The following DONSON variants were observed in gnomAD, a reference collection of about 807,000 sequenced individuals.
DONSON encodes the protein DNA replication fork stabilization factor DONSON.
A neutral mutation model predicts 62.1 loss-of-function variants in DONSON; 43 were observed. That is an observed-to-expected ratio of 0.69 (90% CI 0.54 to 0.89). The LOEUF (loss-of-function observed/expected upper bound fraction) is 0.89, where lower values mean the gene tolerates loss of function less well. Ranked by LOEUF, DONSON falls within the 40% of genes least tolerant of loss-of-function variation. DONSON has a pLI of 0.00. For synonymous variants in DONSON, 266 were observed against 264.6 expected, an observed-to-expected ratio of 1.01 and a Z score of -0.05; for missense variants, 696 against 697.5, an observed-to-expected ratio of 1.00 and a Z score of 0.03.
In DONSON at chr21:33,586,199, T is replaced by C; in HGVS notation, c.403-18A>G. 1 of 1,609,792 alleles carries C rather than the reference T, an allele frequency of 6.2e-7. No individual in the cohort carries two copies. The highest frequency in any genetic ancestry group is 1.1e-5 in the South Asian group (1 of 90,764). On this transcript the variant is annotated intron_variant, in intron 2 of 9. Transcript: ENST00000303071. ...TGTGAAGTCTTTAGAAAACAAAGAA[T>C]GCAAAAATTAGTCGAGTATCAAGAA...
At position 33,588,386 on chromosome 21, in the gene DONSON, G is replaced by C; in HGVS notation, c.256C>G (p.Arg86Gly). The change falls in exon 1 of 10, where the codon CGA (arginine) becomes GGA (glycine). Residue 86 changes from arginine to glycine, a missense_variant. Physicochemically the swap from Arg to Gly is moderately radical, Grantham distance 125. Coordinates refer to ENST00000303071, the MANE Select transcript of DONSON (RefSeq NM_017613.4). ...RRNPFARLDN[R>G]PRVAAEPPDG... ...GGGGGCTCCGCGGCGACCCGCGGTC[G>C]GTTGTCCAGGCGGGCGAAGGGGTTC... 7.7e-7 allele frequency: 1 copy of C among 1,295,614 alleles called. No homozygotes were observed. Among genetic ancestry groups the C allele is most frequent in the South Asian group, 2.6e-5 (1 of 38,790 alleles). 80.3% of individuals were successfully genotyped at this position (1,295,614 alleles called of 1,614,324 possible).
chr21:33,584,784 G>GATC lies in DONSON; in HGVS notation c.607-17_607-16insGAT. 1 of 1,478,280 alleles carries GATC rather than the reference G, an allele frequency of 6.8e-7. No individual in the cohort carries two copies. The allele number at this position is 1,478,280 out of a possible 1,614,324, so 91.6% of individuals were successfully genotyped here. A position where few individuals can be genotyped will look rare whatever the true frequency, so the allele number is the denominator to read the frequency against. On this transcript the variant is annotated splice_polypyrimidine_tract_variant and intron_variant, in intron 3 of 9. Coordinates refer to ENST00000303071, the MANE Select transcript of DONSON (RefSeq NM_017613.4). Reference sequence around the variant, plus strand: ...GTTTGGGATCCTAAAATCCAAAGGTGACAGTGGGCAGTTTTTGCCCATTGA... The same window carrying GATC: ...GTTTGGGATCCTAAAATCCAAAGGTGATCACAGTGGGCAGTTTTTGCCCATTGA...
In DONSON at chr21:33,581,469, G is replaced by A; in HGVS notation, c.1183C>T (p.His395Tyr). 1 of 1,613,848 alleles carries A rather than the reference G, an allele frequency of 6.2e-7. No homozygotes were observed. Among genetic ancestry groups the A allele is most frequent in the Non-Finnish European group, 8.5e-7 (1 of 1,179,836 alleles). Residue 395 changes from histidine to tyrosine, a missense_variant, in exon 8 of 10, where the codon CAC (histidine) becomes TAC (tyrosine). By Grantham distance (83) the His-to-Tyr change is moderately conservative. Coordinates refer to ENST00000303071, the MANE Select transcript of DONSON (RefSeq NM_017613.4). The part of the protein sequence containing the change: ...RKEKHEVQMD[H>Y]RPESVVLVKG... ...ACCAACACAACAGATTCAGGTCTGT[G>A]ATCCATTTGTACTTCATGTTTCTCT...
intron 3 of DONSON, 145 bp downstream of exon 3, chr21:33,585,833 C>G (rs2086571193): frequency 1.3e-6 from 1 of 749,950 alleles, no homozygotes; most frequent in Non-Finnish European, 2.1e-6. Flanking sequence ...TAAGCACCAT[C>G]TGGGAAAGAC....
Position 33,579,340 on chromosome 21 carries a change from GTC to G in DONSON, c.1563+8_1563+9del. On this transcript the variant is annotated splice_region_variant and intron_variant, in intron 9 of 9. Transcript: ENST00000303071. ...CAACTAAAACAGTCTGCTCATAGGT[GTC>G]TACTTACCATATCAAGTACTTTGTC... 6.4e-7 allele frequency: 1 copy of G among 1,572,962 alleles called. No homozygotes were observed. Among genetic ancestry groups the G allele is most frequent in the Non-Finnish European group, 8.7e-7 (1 of 1,154,168 alleles).
At chr21:33,581,277 G>T in intron 8 of DONSON, 25 bp downstream of exon 8, 1 of 1,602,294 alleles carries the variant, frequency 6.2e-7, no homozygotes, top group Non-Finnish European at 8.5e-7. Context: ...CTTCTTAAAA[G>T]CTAGGTTATG....
rs998286147 is a variant in DONSON, at chr21:33,577,693, A to G, written c.*614T>C. Reference sequence around the variant, plus strand: ...CACACACACACACACACACACACACACACACACACCCCTATAAGCACATTA... The same window carrying G: ...CACACACACACACACACACACACACGCACACACACCCCTATAAGCACATTA... On this transcript the variant is annotated 3_prime_UTR_variant, in exon 10 of 10. Transcript: ENST00000303071. 1.6e-5 allele frequency: 2 copies of G among 128,086 alleles called. No homozygotes were observed. Among genetic ancestry groups the G allele is most frequent in the Admixed American group, 1.6e-4 (2 of 12,330 alleles). 7.9% of individuals were successfully genotyped at this position (128,086 alleles called of 1,614,324 possible).
intron 3 of DONSON, 41 bp from the exon 4 acceptor site, chr21:33,584,809 A>C: frequency 7.0e-7 from 1 of 1,419,762 alleles, no homozygotes; most frequent in Non-Finnish European, 9.4e-7. Context: ...TTGCCCATTG[A>C]GAAATAGAGA....
rs778867526 is a variant in DONSON, at chr21:33,583,455, T to C, written c.964+33A>G. 5 of 1,594,806 alleles carry C rather than the reference T, an allele frequency of 3.1e-6. No homozygotes were observed. The East Asian group carries it at 6.7e-5, about 21-fold the overall frequency. ...AGGCCAAAATAGGTTTACTATATAG[T>C]ATAGTATTCTCACTTTAAACCTAAA... On this transcript the variant is annotated intron_variant, in intron 5 of 9. Coordinates refer to ENST00000303071, the MANE Select transcript of DONSON (RefSeq NM_017613.4).
chr21:33,579,461 CAG>C lies in DONSON; in HGVS notation c.1450_1451del (p.Leu484AspfsTer26). 6.2e-7 allele frequency: 1 copy of C among 1,614,150 alleles called. No homozygotes were observed. The highest frequency in any genetic ancestry group is 8.5e-7 in the Non-Finnish European group (1 of 1,180,022). On this transcript the variant is annotated frameshift_variant, in exon 9 of 10. Transcript: ENST00000303071. LOFTEE classifies it high-confidence loss of function. ...GPIMPHSLHS[L>X]TMLLKSSQSG... ...TCTGTGAAGATTTGAGCAGCATGGT[CAG>C]TGAATGCAGAGAATGAGGCATGATA...
intron 1 of DONSON, 39 bp downstream of exon 1, chr21:33,588,282 G>A (rs1000164987): frequency 1.6e-6 from 2 of 1,234,580 alleles, no homozygotes; most frequent in Non-Finnish European, 2.0e-6. Context: ...ACCCACGAAA[G>A]ACAAGAGCCC....
chr21:33,580,914 A>G (rs564755455), intron 8 of DONSON, among the ~76,000 whole-genome samples: 23 of 151,872 alleles, frequency 1.5e-4, no homozygotes, highest in Non-Finnish European at 2.9e-4. Context: ...AGAAAAAAAA[A>G]AACAAAAAAA....
At chr21:33,585,638 C>T (rs1001632213) in intron 3 of DONSON, among the ~76,000 whole-genome samples, 1 of 151,974 alleles carries the variant, frequency 6.6e-6, no homozygotes, top group East Asian at 1.9e-4. Context: ...GTAAATCCAT[C>T]AGCCCTTGCA....
At chr21:33,587,273 C>A in intron 2 of DONSON, 2 of 784,138 alleles carry the variant, frequency 2.6e-6, no homozygotes, top group Non-Finnish European at 3.1e-6. Flanking sequence ...AAAGAAAACC[C>A]CCACGTCTAT....
intron 1 of DONSON, 116 bp downstream of exon 1, chr21:33,588,205 A>T: frequency 1.1e-6 from 1 of 889,144 alleles, no homozygotes; most frequent in Non-Finnish European, 1.5e-6. Flanking sequence ...CGGGCGGCCG[A>T]AGTCTTCGCG....
intron 8 of DONSON, among the ~76,000 whole-genome samples, chr21:33,580,239 GATGAATGAATGAATGA>G (rs3989180): frequency 2.7e-5 from 4 of 146,280 alleles, no homozygotes; most frequent in African/African-American, 7.6e-5. Flanking sequence ...TAAATAGATA[GATGAATGAATGAATGA>G]ATGAATGAAT....
intron 5 of DONSON, among the ~76,000 whole-genome samples, 162 bp downstream of exon 5, chr21:33,583,326 A>G (rs2086538158): frequency 6.6e-6 from 1 of 151,878 alleles, no homozygotes; most frequent in African/African-American, 2.4e-5. Flanking sequence ...CTGCTGGATT[A>G]AATAATTGTG....
chr21:33,582,110 C>G, intron 6 of DONSON, 55 bp from the exon 7 acceptor site: 1 of 1,611,710 alleles, frequency 6.2e-7, no homozygotes, highest in Non-Finnish European at 8.5e-7. Flanking sequence ...CTGTGCAAAT[C>G]TATTTCATGA....
chr21:33,584,105 C>T (rs568735302), intron 4 of DONSON, among the ~76,000 whole-genome samples: 2 of 144,846 alleles, frequency 1.4e-5, no homozygotes, highest in East Asian at 2.0e-4. Context: ...AGTGCAGTGG[C>T]GCGATCTCGG....
Sources: allele counts gnomAD v4.1 joint callset (sites outside exome capture counted in the v4.1 genomes callset), GRCh38; gene constraint gnomAD v4.1.1; transcripts MANE v1.5; gene names NCBI Gene and HGNC (gene_info 2026-07-23, HGNC 2026-07-21).